The following PPP1R12B variants were observed in gnomAD, a reference collection of about 807,000 sequenced individuals.
PPP1R12B encodes protein phosphatase 1 regulatory subunit 12B.
In PPP1R12B, 76 loss-of-function variants were observed where a neutral mutation model predicts 126.1. That is an observed-to-expected ratio of 0.60 (90% CI 0.50 to 0.73). The LOEUF is 0.73. Ranked by LOEUF, PPP1R12B falls within the 30% of genes least tolerant of loss-of-function variation. The pLI, the probability that PPP1R12B is intolerant of heterozygous loss-of-function variation, is 0.00. For synonymous variants in PPP1R12B, 356 were observed against 434.7 expected, an observed-to-expected ratio of 0.82 and a Z score of 2.25; for missense variants, 1,052 against 1,205.1, an observed-to-expected ratio of 0.87 and a Z score of 1.88.
At chr1:202,381,459 C>T (rs1479783057) in intron 1 of PPP1R12B, among the ~76,000 whole-genome samples, 1 of 80,508 alleles carries the variant, frequency 1.2e-5, no homozygotes, top group Non-Finnish European at 2.6e-5. Flanking sequence ...ACTGCCTCCT[C>T]CAGCCTAGGC....
At chr1:202,519,557 C>T (rs1263997545) in intron 18 of PPP1R12B, among the ~76,000 whole-genome samples, 1 of 152,158 alleles carries the variant, frequency 6.6e-6, no homozygotes, top group African/African-American at 2.4e-5. Flanking sequence ...CAGGCGTGAA[C>T]CACTGTGCCT....
intron 17 of PPP1R12B, 63 bp downstream of exon 17, chr1:202,495,745 A>G (rs1679475284): frequency 6.9e-7 from 1 of 1,444,978 alleles, no homozygotes; most frequent in Non-Finnish European, 9.7e-7. Flanking sequence ...CTTTCAGTTG[A>G]GTTTAAAAGA....
chr1:202,484,415 A>G (rs1677805052), intron 13 of PPP1R12B, among the ~76,000 whole-genome samples: 1 of 152,228 alleles, frequency 6.6e-6, no homozygotes, highest in Non-Finnish European at 1.5e-5. Context: ...TCTGTAATTT[A>G]CTTTTTTACC....
At chr1:202,441,710 A>G (rs1402136705) in intron 11 of PPP1R12B, among the ~76,000 whole-genome samples, 1 of 152,058 alleles carries the variant, frequency 6.6e-6, no homozygotes, top group Non-Finnish European at 1.5e-5. Flanking sequence ...TATAATGCTA[A>G]AGAGGCTTCC....
At chr1:202,355,217 A>C (rs1656855280) in intron 1 of PPP1R12B, among the ~76,000 whole-genome samples, 1 of 151,852 alleles carries the variant, frequency 6.6e-6, no homozygotes. Context: ...GTTCCACTAT[A>C]TTTTTCTCTT....
intron 13 of PPP1R12B, chr1:202,472,252 G>A (rs1255988808): frequency 2.9e-5 from 13 of 449,804 alleles, no homozygotes; most frequent in Non-Finnish European, 4.3e-5. Context: ...TCATATGAAC[G>A]TTCTTTATTT....
At chr1:202,567,691 G>T in intron 21 of PPP1R12B, 87 bp from the exon 22 acceptor site, 1 of 1,398,302 alleles carries the variant, frequency 7.2e-7, no homozygotes, top group Non-Finnish European at 1.0e-6. Context: ...ATTTCTAGAT[G>T]TCTAGTAGTG....
chr1:202,349,503 C>T (rs894615481), intron 1 of PPP1R12B, among the ~76,000 whole-genome samples: 1 of 152,172 alleles, frequency 6.6e-6, no homozygotes, highest in African/African-American at 2.4e-5. Context: ...GGCACAGTGT[C>T]ATTTGTTTGA....
At chr1:202,446,042 A>G (rs1233736322) in intron 12 of PPP1R12B, among the ~76,000 whole-genome samples, 4 of 151,966 alleles carry the variant, frequency 2.6e-5, no homozygotes, top group Non-Finnish European at 2.9e-5. Flanking sequence ...AGCGGTAATC[A>G]TTAATTCAGC....
intron 1 of PPP1R12B, among the ~76,000 whole-genome samples, chr1:202,350,382 T>G (rs1396544362): frequency 2.0e-5 from 3 of 152,200 alleles, no homozygotes; most frequent in Non-Finnish European, 2.9e-5. Flanking sequence ...GCAGGTAGTG[T>G]TGTTATTCTC....
At chr1:202,505,823 A>C (rs1680744345) in intron 18 of PPP1R12B, among the ~76,000 whole-genome samples, 1 of 152,172 alleles carries the variant, frequency 6.6e-6, no homozygotes. Flanking sequence ...AATAAAATAT[A>C]GATTTTTCTC....
In PPP1R12B at chr1:202,437,954, A is replaced by G. The variant is rs746025634; in HGVS notation, c.1388A>G (p.Asp463Gly). The G allele has an allele frequency of 5.6e-6, 9 of 1,614,120 alleles. No homozygotes were observed. In the Admixed American group the frequency reaches 1.3e-4, roughly 24 times the overall value. ...EVANSREPIR[D>G]RGSSIYRSSS... ...GCCAATTCCAGGGAACCTATAAGGG[A>G]CCGAGGCTCTTCCATCTATCGCTCC... The change falls in exon 10 of 24, where the codon GAC (aspartate) becomes GGC (glycine). Residue 463 changes from aspartate to glycine, a missense_variant. Physicochemically the swap from Asp to Gly is moderately conservative, Grantham distance 94. Coordinates refer to ENST00000608999, the MANE Select transcript of PPP1R12B (RefSeq NM_002481.4).
At chr1:202,575,043 G>A (rs368124751) in intron 23 of PPP1R12B, 2 of 1,613,458 alleles carry the variant, frequency 1.2e-6, no homozygotes, top group African/African-American at 1.3e-5. Context: ...TGAAGCAGAT[G>A]AACGAGCAAC....
intron 1 of PPP1R12B, among the ~76,000 whole-genome samples, chr1:202,382,496 A>C (rs1470145183): frequency 6.6e-6 from 1 of 151,188 alleles, no homozygotes; most frequent in Non-Finnish European, 1.5e-5. Context: ...AAGGCAAAAA[A>C]AAAAAAGAAA....
chr1:202,430,530 CT>C (rs932421435), intron 6 of PPP1R12B, among the ~76,000 whole-genome samples, 200 bp from the exon 7 acceptor site: 1 of 151,932 alleles, frequency 6.6e-6, no homozygotes, highest in Non-Finnish European at 1.5e-5. Flanking sequence ...AACACCATGG[CT>C]TTTCTCTTCT....
intron 1 of PPP1R12B, among the ~76,000 whole-genome samples, chr1:202,403,304 G>A (rs1168978851): frequency 1.3e-5 from 2 of 152,096 alleles, no homozygotes; most frequent in Non-Finnish European, 2.9e-5. Context: ...ATTTTTGTGT[G>A]CAAAAAATCT....
At chr1:202,356,188 ATAAATAAG>A (rs1469990465) in intron 1 of PPP1R12B, among the ~76,000 whole-genome samples, 3 of 151,868 alleles carry the variant, frequency 2.0e-5, no homozygotes, top group Admixed American at 6.6e-5. Flanking sequence ...TGTGTCTCAA[ATAAATAAG>A]TAAGTAAGTA....
chr1:202,555,028 C>T (rs181336217), intron 18 of PPP1R12B, among the ~76,000 whole-genome samples: 66 of 152,092 alleles, frequency 4.3e-4, no homozygotes, highest in African/African-American at 1.6e-3. Flanking sequence ...TCCAGGAACC[C>T]TGTGGGCTTT....
At chr1:202,577,575 T>G (rs1468533881) in intron 23 of PPP1R12B, among the ~76,000 whole-genome samples, 1 of 152,178 alleles carries the variant, frequency 6.6e-6, no homozygotes, top group East Asian at 1.9e-4. Context: ...CTACCTTTTT[T>G]TTTTTTTAAT....
Sources: gnomAD v4.1 joint callset for allele counts (sites outside exome capture counted in the v4.1 genomes callset) on GRCh38, gnomAD v4.1.1 for gene constraint, MANE v1.5 for transcripts, NCBI Gene and HGNC (gene_info 2026-07-23, HGNC 2026-07-21) for gene names.